The following KTN1 variants were observed in gnomAD, a reference collection of about 807,000 sequenced individuals.
The protein encoded by KTN1 is kinectin 1.
KTN1 carries 130 observed loss-of-function variants against 222.5 expected under a neutral mutation model. The observed-to-expected ratio is 0.58, with a 90% CI of 0.51 to 0.68. The LOEUF is 0.68. Ranked by LOEUF, KTN1 falls within the 30% of genes least tolerant of loss-of-function variation. The pLI is 0.00. For synonymous variants in KTN1, 512 were observed against 496.3 expected, an observed-to-expected ratio of 1.03 and a Z score of -0.42; for missense variants, 1,508 against 1,500.4, an observed-to-expected ratio of 1.01 and a Z score of -0.08.
chr14:55,675,688 T>C, intron 40 of KTN1, 147 bp from the exon 41 acceptor site: 1 of 531,520 alleles, frequency 1.9e-6, no homozygotes, highest in East Asian at 3.0e-5. Context: ...CTGCTTAGCC[T>C]TTCTATACAT....
rs191375825 is a variant in KTN1 at position 55,626,640 on chromosome 14, G to T, written c.964-1272G>T. The stretch of plus-strand genomic sequence containing the variant: ...TACTACTGTTCTTCCAATGAGGGGT[G>T]TTTTTCTTGGATCATCTTTGTGCTA... On this transcript the variant is annotated intron_variant, in intron 5 of 43. Coordinates refer to ENST00000395314, the MANE Select transcript of KTN1 (RefSeq NM_001079521.2). Among the ~76,000 whole-genome samples, 419 of 152,208 alleles carry T rather than the reference G, an allele frequency of 2.8e-3. 1 individual carries two copies. Among genetic ancestry groups the T allele is most frequent in the Middle Eastern group, 0.017 (5 of 294 alleles).
At position 55,612,069 on chromosome 14, in the gene KTN1, A is replaced by C; in HGVS notation, c.21A>C (p.Ala7=). ...GTACCATGGAGTTTTATGAGTCAGC[A>C]TATTTTATTGTTCTTATTCCTTCAA... MEFYES[A]YFIVLIPSIV... The change falls in exon 2 of 44, where the codon GCA becomes GCC. Residue 7 remains alanine (A), a synonymous_variant. Coordinates refer to ENST00000395314, the MANE Select transcript of KTN1 (RefSeq NM_001079521.2). 6.7e-7 allele frequency: 1 copy of C among 1,490,424 alleles called. No homozygotes were observed. Among genetic ancestry groups the C allele is most frequent in the Non-Finnish European group, 8.9e-7 (1 of 1,124,156 alleles). The allele number at this position is 1,490,424 out of a possible 1,614,324, so 92.3% of individuals were successfully genotyped here.
rs565420388 is a variant in KTN1, at chr14:55,650,990, G to T, written c.2565+353G>T. 3.9e-5 allele frequency among the ~76,000 whole-genome samples: 6 copies of T among 152,062 alleles called. No homozygotes were observed. In the South Asian group the frequency reaches 1.2e-3, roughly 32 times the overall value. On this transcript the variant is annotated intron_variant, in intron 24 of 43. Transcript: ENST00000395314. ...CCAAAATGTTATTTGAATATACATT[G>T]CTCTATCTCTGCCTTAGAACAAAGT... is the stretch of plus-strand genomic sequence containing the variant.
Position 55,672,647 on chromosome 14 carries a change from A to C in KTN1, c.3549A>C (p.Thr1183=). Residue 1183 remains threonine (T), a synonymous_variant, in exon 38 of 44, where the codon ACA becomes ACC. Coordinates refer to ENST00000395314, the MANE Select transcript of KTN1 (RefSeq NM_001079521.2). The stretch of plus-strand genomic sequence containing the variant: ...CATTTCAGATGCAGTCATCATTTAC[A>C]TCTTCAGAACAAGAGCTAGAGCGAT... ...KTIKQMQSSF[T]SSEQELERLR... The C allele has an allele frequency of 2.5e-6, 4 of 1,606,302 alleles. No homozygotes were observed. Among genetic ancestry groups the C allele is most frequent in the East Asian group, 2.2e-5 (1 of 44,726 alleles).
At chr14:55,589,358 G>A (rs2033657675) in intron 1 of KTN1, among the ~76,000 whole-genome samples, 1 of 152,012 alleles carries the variant, frequency 6.6e-6, no homozygotes, top group Non-Finnish European at 1.5e-5. Context: ...GAGTGCAGTG[G>A]TACAATCTTG....
At chr14:55,631,909 C>CT (rs1368000260) in intron 7 of KTN1, among the ~76,000 whole-genome samples, 7 of 152,068 alleles carry the variant, frequency 4.6e-5, no homozygotes, top group African/African-American at 1.4e-4. Flanking sequence ...TTCATTCCGT[C>CT]TTGTATTTGG....
chr14:55,678,434 C>T lies in KTN1; in HGVS notation c.3938C>T (p.Ser1313Phe), dbSNP rs1470455027. ...DTTVIENSDV[S>F]PETESSEKET... ...ACTGTTATTGAAAATAGTGATGTTT[C>T]CCCAGAAACGGTATGTATTTTCTTC... Residue 1313 changes from serine to phenylalanine, a missense_variant, in exon 42 of 44, where the codon TCC becomes TTC. Ser to Phe is a radical substitution (Grantham distance 155, BLOSUM62 -2). Transcript: ENST00000395314. The T allele has an allele frequency of 1.2e-6, 2 of 1,600,188 alleles. No homozygotes were observed. Among genetic ancestry groups the T allele is most frequent in the African/African-American group, 1.3e-5 (1 of 74,708 alleles).
intron 43 of KTN1, chr14:55,682,942 G>A (rs767651372): frequency 3.9e-5 from 6 of 152,014 alleles, no homozygotes; most frequent in Non-Finnish European, 7.4e-5. Context: ...TGTCAGTAGC[G>A]TATTGGAGAG....
chr14:55,580,461 G>A (rs1375328540), intron 1 of KTN1, 107 bp downstream of exon 1: 2 of 146,358 alleles, frequency 1.4e-5, no homozygotes, highest in Admixed American at 6.8e-5. Flanking sequence ...CGCGCCGGGC[G>A]GGGGGGCGCG....
chr14:55,678,449 G>A lies in KTN1; in HGVS notation c.3948+5G>A. On this transcript the variant is annotated splice_donor_5th_base_variant and intron_variant, in intron 42 of 43. Transcript: ENST00000395314. The stretch of plus-strand genomic sequence containing the variant: ...AGTGATGTTTCCCCAGAAACGGTAT[G>A]TATTTTCTTCATCCCCAGATCTCTG... The A allele has an allele frequency of 6.4e-7, 1 of 1,570,212 alleles. No homozygotes were observed. The highest frequency in any genetic ancestry group is 8.8e-7 in the Non-Finnish European group (1 of 1,140,196).
rs749503541 is a variant in KTN1, at chr14:55,629,982, G to C, written c.1106G>C (p.Ser369Thr). The stretch of plus-strand genomic sequence containing the variant: ...GAAATGATGACAGAGAAAGAAAGAA[G>C]CAATGTGGTTATAACAAGGATGAAA... ...TQEMMTEKER[S>T]NVVITRMKDR... is the part of the protein sequence containing the mutation. Residue 369 changes from serine (S) to threonine (T), a missense_variant, in exon 7 of 44, where the codon AGC becomes ACC. Physicochemically the swap from Ser to Thr is moderately conservative, Grantham distance 58. Transcript: ENST00000395314. The C allele has an allele frequency of 6.3e-7, 1 of 1,599,214 alleles. No homozygotes were observed. The highest frequency in any genetic ancestry group is 8.6e-7 in the Non-Finnish European group (1 of 1,167,416).
intron 1 of KTN1, among the ~76,000 whole-genome samples, chr14:55,588,887 A>T (rs1255916031): frequency 6.6e-6 from 1 of 152,002 alleles, no homozygotes; most frequent in Non-Finnish European, 1.5e-5. Context: ...CATTTTTCTT[A>T]ATTTTTTTCA....
intron 43 of KTN1, chr14:55,683,636 GTCTC>G (rs146764138): frequency 0.061 from 9,216 of 152,050 alleles, 381 homozygotes; most frequent in South Asian, 0.09. Flanking sequence ...AGTCCTCTTA[GTCTC>G]TCTAATGGCT....
chr14:55,598,794 G>A (rs2035494862), intron 1 of KTN1, among the ~76,000 whole-genome samples: 1 of 152,166 alleles, frequency 6.6e-6, no homozygotes, highest in African/African-American at 2.4e-5. Flanking sequence ...ACTTGTTTGA[G>A]TTACACAACG....
intron 5 of KTN1, among the ~76,000 whole-genome samples, chr14:55,621,632 A>G (rs892267863): frequency 1.3e-5 from 2 of 152,024 alleles, no homozygotes; most frequent in African/African-American, 4.8e-5. Flanking sequence ...GTATGGGGGA[A>G]ACTGCCTTCA....
intron 25 of KTN1, among the ~76,000 whole-genome samples, chr14:55,652,553 C>T (rs1315995512): frequency 1.3e-5 from 2 of 152,058 alleles, no homozygotes; most frequent in East Asian, 1.9e-4. Flanking sequence ...CGCGTACCAC[C>T]ACGCCCGGCT....
Position 55,650,555 on chromosome 14 carries a change from T to C in KTN1, c.2497-14T>C, listed in dbSNP as rs774422431. ...TTTCCATTGTCCAATCTTGTCTGTT[T>C]TGTCATTGTCAAGGATTTGAAACAG... On this transcript the variant is annotated splice_polypyrimidine_tract_variant and intron_variant, in intron 23 of 43. Coordinates refer to ENST00000395314, the MANE Select transcript of KTN1 (RefSeq NM_001079521.2). The C allele has an allele frequency of 3.1e-6, 5 of 1,603,494 alleles. No homozygotes were observed. Among genetic ancestry groups the C allele is most frequent in the Middle Eastern group, 1.7e-4 (1 of 6,038 alleles).
chr14:55,664,574 A>C (rs973717730), intron 33 of KTN1, among the ~76,000 whole-genome samples: 2 of 152,110 alleles, frequency 1.3e-5, no homozygotes, highest in African/African-American at 4.8e-5. Context: ...ACTGGCTAGC[A>C]ATGACACATG....
chr14:55,655,487 G>T (rs966073879), intron 28 of KTN1, among the ~76,000 whole-genome samples: 1 of 152,114 alleles, frequency 6.6e-6, no homozygotes. Context: ...TGGGGATACC[G>T]AAATGGATAA....
Sources: allele counts gnomAD v4.1 joint callset (sites outside exome capture counted in the v4.1 genomes callset), GRCh38; gene constraint gnomAD v4.1.1; transcripts MANE v1.5; gene names NCBI Gene and HGNC (gene_info 2026-07-23, HGNC 2026-07-21).